The following DOCK10 variants were observed in gnomAD, a reference collection of about 807,000 sequenced individuals.
The protein encoded by DOCK10 is dedicator of cytokinesis 10.
DOCK10 carries 145 observed loss-of-function variants against 280.1 expected under a neutral mutation model. The ratio of observed to expected loss-of-function variants is 0.52; its 90% CI spans 0.45 to 0.59. The LOEUF (loss-of-function observed/expected upper bound fraction) is 0.59. Ranked by LOEUF, DOCK10 falls within the 20% of genes least tolerant of loss-of-function variation. The pLI, the probability that DOCK10 is intolerant of heterozygous loss-of-function variation, is 0.00. For missense variants in DOCK10, 2,368 were observed against 2,651.7 expected (o/e 0.89, Z 2.35); for synonymous variants, 915 against 942.2 (o/e 0.97, Z 0.53).
chr2:224,770,205 G>A lies in DOCK10; in HGVS notation c.6444+6C>T, dbSNP rs762570547. 1.3e-5 allele frequency: 20 copies of A among 1,554,446 alleles called. No individual in the cohort carries two copies. Among genetic ancestry groups the A allele is most frequent in the South Asian group, 2.5e-5 (2 of 81,014 alleles). ...TGATAGCGCGTGTGCACCAAGGAGCGCTCACCTGCTCATTCATGACTGTGG... is the reference window on the plus strand; with the variant it reads ...TGATAGCGCGTGTGCACCAAGGAGCACTCACCTGCTCATTCATGACTGTGG... On this transcript the variant is annotated splice_donor_region_variant and intron_variant, in intron 55 of 55. Coordinates refer to ENST00000258390, the MANE Select transcript of DOCK10 (RefSeq NM_014689.3). This position sits in a 1 kb window ranked among gnomAD's most constrained non-coding sequence, Gnocchi z 4.5.
intron 41 of DOCK10, among the ~76,000 whole-genome samples, chr2:224,799,331 T>C (rs1034534955): frequency 6.6e-6 from 1 of 152,262 alleles, no homozygotes; most frequent in Non-Finnish European, 1.5e-5. Flanking sequence ...ACAGCATGTA[T>C]CAGTAGTTTA....
chr2:224,926,281 G>A (rs1384179339), intron 2 of DOCK10, among the ~76,000 whole-genome samples: 1 of 152,222 alleles, frequency 6.6e-6, no homozygotes, highest in Non-Finnish European at 1.5e-5. Context: ...TTAATTCAAT[G>A]TTTGATAATC....
At chr2:224,951,887 T>C (rs1703751928) in intron 1 of DOCK10, among the ~76,000 whole-genome samples, 1 of 152,232 alleles carries the variant, frequency 6.6e-6, no homozygotes, top group South Asian at 2.1e-4. Context: ...CCAGGGGTTA[T>C]TCTTAGCTTT....
rs562677275 is a variant in DOCK10 at position 225,027,599 on chromosome 2, GT to G, written c.123+14652del. On this transcript the variant is annotated intron_variant, in intron 1 of 55. Coordinates refer to ENST00000258390, the MANE Select transcript of DOCK10 (RefSeq NM_014689.3). ...CAGGGATATGGTTGTTTAAAAGTGT[GT>G]AGTGCCCCCTCCCTCTCTCTCCTTC... 4.1e-4 allele frequency among the ~76,000 whole-genome samples: 63 copies of G among 152,194 alleles called. No homozygotes were observed. In the South Asian group the frequency reaches 4.8e-3, roughly 12 times the overall value.
intron 2 of DOCK10, among the ~76,000 whole-genome samples, chr2:224,927,369 A>T (rs957207163): frequency 2.6e-5 from 4 of 152,196 alleles, no homozygotes; most frequent in Admixed American, 6.5e-5. Flanking sequence ...GCATGGCGTT[A>T]TCTAATTTGT....
rs774497823 is a variant in DOCK10 at position 224,936,160 on chromosome 2, C to T, written c.124-4492G>A. 1.5e-4 allele frequency among the ~76,000 whole-genome samples: 23 copies of T among 152,110 alleles called. No individual in the cohort carries two copies. In the East Asian group the frequency reaches 2.5e-3, roughly 17 times the overall value. ...ACTAGGATAAGGGTTGGCATAAATC[C>T]GTGAATGACTATTAGTACATGCCAT... On this transcript the variant is annotated intron_variant, in intron 1 of 55. Transcript: ENST00000258390.
chr2:224,800,331 C>G (rs1391732394), intron 40 of DOCK10, 68 bp from the exon 41 acceptor site: 1 of 876,150 alleles, frequency 1.1e-6, no homozygotes, highest in African/African-American at 1.7e-5. Flanking sequence ...AAAGGATTTC[C>G]TTTCATTACA....
At chr2:224,816,542 TAAAC>T in intron 30 of DOCK10, 71 bp downstream of exon 30, 1 of 917,336 alleles carries the variant, frequency 1.1e-6, no homozygotes, top group South Asian at 1.5e-5. Flanking sequence ...AAAATAATAA[TAAAC>T]AAAAGGTAAA....
Position 224,803,466 on chromosome 2 carries a change from T to C in DOCK10, c.4268+646A>G, listed in dbSNP as rs75117623. On this transcript the variant is annotated intron_variant, in intron 39 of 55. Transcript: ENST00000258390. ...TGGGAAGAATAAATCAAAGTGGAGA[T>C]AATTTTAGCAAAGAATTCTCATTTA... 4.0e-4 allele frequency among the ~76,000 whole-genome samples: 61 copies of C among 152,192 alleles called. 1 individual carries two copies. Among genetic ancestry groups the C allele is most frequent in the Admixed American group, 9.8e-4 (15 of 15,266 alleles).
At position 224,862,705 on chromosome 2, in the gene DOCK10, G is replaced by T. The variant is rs766866077; in HGVS notation, c.1644C>A (p.Ser548Arg). The change falls in exon 14 of 56, where the codon AGC becomes AGA. Residue 548 changes from serine to arginine, a missense_variant. Ser to Arg is a moderately radical substitution (Grantham distance 110). This residue lies in a region of DOCK10 where 1,209 missense variants were observed against 1,250.9 expected (regional missense o/e 0.97). Coordinates refer to ENST00000258390, the MANE Select transcript of DOCK10 (RefSeq NM_014689.3). ...AAGGCATACGGTATTTTCCCAATTT[G>T]CTGCAGAATTGTCTGTTGGATTTTA... ...KILKSNRQFC[S>R]KLGKYRMPFA... 1.7e-5 allele frequency: 28 copies of T among 1,611,516 alleles called. No homozygotes were observed. The South Asian group carries it at 2.0e-4, about 11-fold the overall frequency.
At chr2:224,909,522 C>G (rs1486378531) in intron 3 of DOCK10, among the ~76,000 whole-genome samples, 1 of 152,086 alleles carries the variant, frequency 6.6e-6, no homozygotes, top group African/African-American at 2.4e-5. Context: ...AGTGGAAGTA[C>G]CCTCATCCAG....
intron 1 of DOCK10, among the ~76,000 whole-genome samples, chr2:224,962,189 C>CTTGT (rs1190802930): frequency 6.6e-6 from 1 of 152,178 alleles, no homozygotes; most frequent in Non-Finnish European, 1.5e-5. Flanking sequence ...GACCAAGATA[C>CTTGT]TTGTGCCTAT....
At chr2:224,787,873 AC>A (rs1323671220) in intron 48 of DOCK10, among the ~76,000 whole-genome samples, 1 of 151,978 alleles carries the variant, frequency 6.6e-6, no homozygotes, top group Non-Finnish European at 1.5e-5. Context: ...CCTCTCAGTG[AC>A]CCCTTCTTTC....
intron 31 of DOCK10, among the ~76,000 whole-genome samples, chr2:224,808,362 T>G (rs1693539621): frequency 6.6e-6 from 1 of 152,148 alleles, no homozygotes. Flanking sequence ...TTACAGGATT[T>G]GAGAGGGGGA....
intron 1 of DOCK10, among the ~76,000 whole-genome samples, chr2:225,003,173 A>C (rs953084282): frequency 6.6e-6 from 1 of 152,002 alleles, no homozygotes; most frequent in African/African-American, 2.4e-5. Context: ...CAGCCTCCCG[A>C]GTAGCTGGGA....
At chr2:224,782,183 A>G (rs1293983309) in intron 50 of DOCK10, among the ~76,000 whole-genome samples, 7 of 152,170 alleles carry the variant, frequency 4.6e-5, no homozygotes, top group Non-Finnish European at 1.0e-4. Context: ...GAGCTATATC[A>G]TGTCCCAAAG....
chr2:224,983,295 A>G lies in DOCK10; in HGVS notation c.124-51627T>C, dbSNP rs191857594. On this transcript the variant is annotated intron_variant, in intron 1 of 55. Transcript: ENST00000258390. ...TCACTTAGGAAAGAACCAAAGAGAG[A>G]TGCTTAGAAATCACGTGTCCTTTCT... 9.0e-5 allele frequency: 14 copies of G among 156,338 alleles called. 1 individual carries two copies. The highest frequency in any genetic ancestry group is 6.8e-4 in the Admixed American group (11 of 16,184). 9.7% of individuals were successfully genotyped at this position (156,338 alleles called of 1,614,324 possible). A position where few individuals can be genotyped will look rare whatever the true frequency, so the allele number is the denominator to read the frequency against.
intron 43 of DOCK10, 133 bp from the exon 44 acceptor site, chr2:224,796,559 G>C (rs887920331): frequency 1.7e-6 from 1 of 599,636 alleles, no homozygotes; most frequent in Non-Finnish European, 2.9e-6. Flanking sequence ...ATGTATTAAA[G>C]CTCCAGAACG....
intron 7 of DOCK10, among the ~76,000 whole-genome samples, chr2:224,882,152 GT>G (rs1227008940): frequency 6.6e-6 from 1 of 152,202 alleles, no homozygotes; most frequent in Non-Finnish European, 1.5e-5. Context: ...TTCTTGGGCT[GT>G]TCATTCTCTT....
Sources: allele counts gnomAD v4.1 joint callset (sites outside exome capture counted in the v4.1 genomes callset), GRCh38; gene constraint gnomAD v4.1.1; regional missense constraint gnomAD v4.1.1; non-coding constraint Gnocchi (gnomAD v3.1); transcripts MANE v1.5; gene names NCBI Gene and HGNC (gene_info 2026-07-23, HGNC 2026-07-21).